Variants in DCLK1 observed in about 807,000 individuals in gnomAD.
DCLK1 encodes the protein doublecortin like kinase 1.
Under a neutral mutation model 86.2 loss-of-function variants are expected in DCLK1, and 16 were observed. The observed-to-expected ratio is 0.19, with a 90% CI of 0.13 to 0.28. DCLK1 has a LOEUF of 0.28. Ranked by LOEUF, DCLK1 falls within the 10% of genes least tolerant of loss-of-function variation. The pLI is 1.00. For missense variants in DCLK1, 590 were observed against 940.2 expected (o/e 0.63, Z 4.87); for synonymous variants, 369 against 370.5 (o/e 1.00, Z 0.05).
intron 4 of DCLK1, among the ~76,000 whole-genome samples, chr13:35,938,244 G>A (rs370870997): frequency 1.3e-5 from 2 of 152,136 alleles, no homozygotes; most frequent in South Asian, 4.1e-4. Flanking sequence ...TAGAATGAGG[G>A]CAGTGGGTGG....
At chr13:35,967,230 G>C (rs1396105960) in intron 3 of DCLK1, among the ~76,000 whole-genome samples, 1 of 149,770 alleles carries the variant, frequency 6.7e-6, no homozygotes, top group Non-Finnish European at 1.5e-5. Context: ...CTGCCCGGCC[G>C]CCGCCCCGTC....
intron 3 of DCLK1, among the ~76,000 whole-genome samples, chr13:35,979,550 A>G (rs907213586): frequency 6.6e-6 from 1 of 152,222 alleles, no homozygotes; most frequent in Non-Finnish European, 1.5e-5. Context: ...TCCCAGTGCC[A>G]AAGTACTGAC....
intron 5 of DCLK1, 25 bp from the exon 6 acceptor site, chr13:35,854,618 A>G: frequency 6.5e-7 from 1 of 1,531,394 alleles, no homozygotes; most frequent in Non-Finnish European, 8.8e-7. Flanking sequence ...AATCACACAC[A>G]GAGAAAAATG....
intron 8 of DCLK1, among the ~76,000 whole-genome samples, chr13:35,829,388 C>A (rs574416524): frequency 6.6e-6 from 1 of 152,134 alleles, no homozygotes; most frequent in East Asian, 1.9e-4. Context: ...GAGAGCCTAG[C>A]TTTTTACCTA....
At chr13:35,884,022 A>G (rs1318822215) in intron 4 of DCLK1, among the ~76,000 whole-genome samples, 3 of 152,148 alleles carry the variant, frequency 2.0e-5, no homozygotes, top group Admixed American at 6.5e-5. Flanking sequence ...TGAACCTACT[A>G]TATTAGACTC....
intron 16 of DCLK1, among the ~76,000 whole-genome samples, chr13:35,792,857 G>C (rs1390611299): frequency 6.6e-6 from 1 of 152,166 alleles, no homozygotes; most frequent in East Asian, 1.9e-4. Context: ...GCAAGACATC[G>C]TGACTTCGTT....
At chr13:35,922,393 T>C (rs1161835354) in intron 4 of DCLK1, among the ~76,000 whole-genome samples, 2 of 152,168 alleles carry the variant, frequency 1.3e-5, no homozygotes, top group African/African-American at 4.8e-5. Context: ...GCACACGGCA[T>C]CAAGTTCAGA....
At chr13:35,986,595 C>A (rs1879927107) in intron 3 of DCLK1, among the ~76,000 whole-genome samples, 1 of 152,136 alleles carries the variant, frequency 6.6e-6, no homozygotes, top group Non-Finnish European at 1.5e-5. Context: ...CTTTCACACA[C>A]AAAAACCACA....
intron 3 of DCLK1, among the ~76,000 whole-genome samples, chr13:36,066,677 G>C (rs951934477): frequency 2.6e-5 from 4 of 151,378 alleles, no homozygotes; most frequent in African/African-American, 9.7e-5. Flanking sequence ...GGGCTAATAT[G>C]CAGAATCTAC....
At chr13:36,070,452 G>C (rs761843191) in intron 3 of DCLK1, among the ~76,000 whole-genome samples, 2 of 152,134 alleles carry the variant, frequency 1.3e-5, no homozygotes, top group Non-Finnish European at 2.9e-5. Context: ...CCAGTTTTTG[G>C]TCAGAGAATT....
chr13:35,877,069 G>A (rs1430039019), intron 4 of DCLK1, among the ~76,000 whole-genome samples: 1 of 152,084 alleles, frequency 6.6e-6, no homozygotes, highest in Non-Finnish European at 1.5e-5. Flanking sequence ...TTAAATCTCT[G>A]CTCTATTTAG....
chr13:35,879,449 T>A (rs1382085499), intron 4 of DCLK1, among the ~76,000 whole-genome samples: 1 of 152,224 alleles, frequency 6.6e-6, no homozygotes, highest in South Asian at 2.1e-4. Context: ...ACTGTTCTGA[T>A]AGTATGAATG....
intron 6 of DCLK1, among the ~76,000 whole-genome samples, chr13:35,840,310 G>T (rs1229876034): frequency 6.6e-6 from 1 of 152,288 alleles, no homozygotes; most frequent in Non-Finnish European, 1.5e-5. Flanking sequence ...ATCCTGCATA[G>T]GAGATTCAAA....
At chr13:35,849,194 T>G (rs1870429174) in intron 6 of DCLK1, 1 of 985,276 alleles carries the variant, frequency 1.0e-6, no homozygotes, top group Admixed American at 6.1e-5. Context: ...TTTATTCACT[T>G]GTAAAGTGAG....
chr13:35,939,313 C>T (rs1876954568), intron 4 of DCLK1, among the ~76,000 whole-genome samples: 2 of 152,148 alleles, frequency 1.3e-5, no homozygotes, highest in Non-Finnish European at 1.5e-5. Context: ...AATGATCATA[C>T]CAGATTTTAT....
chr13:35,926,793 G>A (rs963541313), intron 4 of DCLK1, among the ~76,000 whole-genome samples: 8 of 152,138 alleles, frequency 5.3e-5, no homozygotes, highest in African/African-American at 1.9e-4. Flanking sequence ...CTCTTTTACT[G>A]TGGACCTTAA....
At chr13:36,068,988 A>C (rs2153160901) in intron 3 of DCLK1, among the ~76,000 whole-genome samples, 1 of 152,366 alleles carries the variant, frequency 6.6e-6, no homozygotes, top group South Asian at 2.1e-4. Context: ...CTTTACATTT[A>C]ATAATATAAT....
At chr13:35,880,020 A>T (rs1872795493) in intron 4 of DCLK1, among the ~76,000 whole-genome samples, 1 of 152,026 alleles carries the variant, frequency 6.6e-6, no homozygotes, top group South Asian at 2.1e-4. Context: ...CCCTCAATTA[A>T]CTCTTACATT....
At chr13:35,906,846 T>C (rs1539545) in intron 4 of DCLK1, among the ~76,000 whole-genome samples, 6,316 of 152,234 alleles carry the variant, frequency 0.041, 449 homozygotes, top group African/African-American at 0.14. Flanking sequence ...AGTGTGAAAC[T>C]TGATTATGCA....
Sources: allele counts gnomAD v4.1 joint callset (sites outside exome capture counted in the v4.1 genomes callset), GRCh38; gene constraint gnomAD v4.1.1; transcripts MANE v1.5; gene names NCBI Gene and HGNC (gene_info 2026-07-23, HGNC 2026-07-21).